The following HDAC9 variants were observed in gnomAD, a reference collection of about 807,000 sequenced individuals.
The protein encoded by HDAC9 is MEF-2 interacting transcription repressor (MITR) protein.
Under a neutral mutation model 139.4 loss-of-function variants are expected in HDAC9, and 41 were observed. The observed-to-expected ratio is 0.29, with a 90% CI of 0.23 to 0.38. HDAC9 has a LOEUF of 0.38. Among genes scored for constraint, HDAC9 ranks in the 10% least tolerant of loss-of-function variants. The probability of loss-of-function intolerance (pLI) is 1.00; values close to 1 mark genes in which losing one functional copy is unlikely to be tolerated. For synonymous variants in HDAC9, 517 were observed against 476.2 expected, an observed-to-expected ratio of 1.09 and a Z score of -1.12; for missense variants, 1,147 against 1,297.0, an observed-to-expected ratio of 0.88 and a Z score of 1.78.
intron 19 of HDAC9, among the ~76,000 whole-genome samples, chr7:18,832,032 A>C (rs780759175): frequency 2.0e-4 from 31 of 152,204 alleles, no homozygotes; most frequent in Non-Finnish European, 4.3e-4. Flanking sequence ...GAATGATTCT[A>C]GTTGATCTGT....
chr7:18,181,691 A>G (rs1188900159), intron 2 of HDAC9, among the ~76,000 whole-genome samples: 2 of 152,130 alleles, frequency 1.3e-5, no homozygotes, highest in Non-Finnish European at 2.9e-5. Context: ...GCAGGCCTTT[A>G]CAAACTACTC....
intron 2 of HDAC9, among the ~76,000 whole-genome samples, chr7:18,273,384 G>T (rs1417341147): frequency 6.6e-6 from 1 of 151,922 alleles, no homozygotes; most frequent in Non-Finnish European, 1.5e-5. Flanking sequence ...TTCTTATAAA[G>T]CCATAAGGTA....
chr7:18,384,504 A>C (rs1785733241), intron 1 of HDAC9, among the ~76,000 whole-genome samples: 1 of 152,178 alleles, frequency 6.6e-6, no homozygotes, highest in Admixed American at 6.5e-5. Flanking sequence ...ATTGGAAACT[A>C]ATATTTTTCA....
intron 6 of HDAC9, among the ~76,000 whole-genome samples, chr7:18,596,270 A>C (rs1832471221): frequency 6.6e-6 from 1 of 152,100 alleles, no homozygotes; most frequent in Non-Finnish European, 1.5e-5. Flanking sequence ...AATATTCCTT[A>C]ATTCAATTCC....
chr7:18,937,347 A>T (rs550768987), intron 23 of HDAC9, among the ~76,000 whole-genome samples: 1 of 152,056 alleles, frequency 6.6e-6, no homozygotes, highest in South Asian at 2.1e-4. Flanking sequence ...TGTCTTGTTA[A>T]TTTTAGACAG....
chr7:18,988,350 A>C (rs1356475785), intron 25 of HDAC9, among the ~76,000 whole-genome samples: 2 of 151,884 alleles, frequency 1.3e-5, no homozygotes, highest in Non-Finnish European at 2.9e-5. Flanking sequence ...CAGGTTGTTC[A>C]GTTTCCATGT....
chr7:18,600,085 A>G (rs1833558018), intron 6 of HDAC9, among the ~76,000 whole-genome samples: 1 of 151,632 alleles, frequency 6.6e-6, no homozygotes, highest in Non-Finnish European at 1.5e-5. Context: ...TTCATATGTC[A>G]TTTGCTATCT....
intron 14 of HDAC9, among the ~76,000 whole-genome samples, chr7:18,755,049 T>C (rs1193285968): frequency 6.6e-6 from 1 of 152,148 alleles, no homozygotes; most frequent in African/African-American, 2.4e-5. Flanking sequence ...AAAAAAATTT[T>C]ATGTGTTTGT....
chr7:18,265,510 A>G (rs1015058398), intron 2 of HDAC9, among the ~76,000 whole-genome samples: 2 of 152,188 alleles, frequency 1.3e-5, no homozygotes, highest in South Asian at 2.1e-4. Flanking sequence ...CAAAGAGTCT[A>G]TGCACATTTC....
chr7:18,561,077 T>C (rs528169913), intron 2 of HDAC9, among the ~76,000 whole-genome samples: 1 of 152,198 alleles, frequency 6.6e-6, no homozygotes, highest in African/African-American at 2.4e-5. Flanking sequence ...AACAAAAAAA[T>C]GAATCATTTT....
chr7:18,895,800 C>G (rs1313847228), intron 22 of HDAC9, among the ~76,000 whole-genome samples: 3 of 152,058 alleles, frequency 2.0e-5, no homozygotes, highest in Non-Finnish European at 4.4e-5. Flanking sequence ...AGGCTTTAAG[C>G]TTCTTGTTAT....
chr7:18,393,355 C>G (rs944424854), intron 1 of HDAC9, among the ~76,000 whole-genome samples: 4 of 151,976 alleles, frequency 2.6e-5, no homozygotes, highest in African/African-American at 9.7e-5. Context: ...CAGGGAGGTT[C>G]TTTTCAAGAT....
intron 11 of HDAC9, among the ~76,000 whole-genome samples, chr7:18,653,260 A>G (rs1205767011): frequency 1.4e-5 from 2 of 147,614 alleles, no homozygotes; most frequent in East Asian, 2.0e-4. Flanking sequence ...AAAAAAAACC[A>G]GTAATACAGT....
chr7:18,929,239 C>A (rs1804509996), intron 22 of HDAC9, among the ~76,000 whole-genome samples: 1 of 152,098 alleles, frequency 6.6e-6, no homozygotes, highest in African/African-American at 2.4e-5. Context: ...CAGAAACCAA[C>A]CCCTATAAAG....
Position 18,732,678 on chromosome 7 carries a change from C to T in HDAC9, c.1909+4921C>T, listed in dbSNP as rs1283866547. On this transcript the variant is annotated intron_variant, in intron 13 of 25. Transcript: ENST00000686413. ...ATACACACACACGTGTATATGTGTGCGTATGTGTACACACACACACGTGTA... is the reference window on the plus strand; with the variant it reads ...ATACACACACACGTGTATATGTGTGTGTATGTGTACACACACACACGTGTA... Among the ~76,000 whole-genome samples, 6 of 120,674 alleles carry T rather than the reference C, an allele frequency of 5.0e-5. No individual in the cohort carries two copies. In the South Asian group the frequency reaches 1.1e-3, roughly 21 times the overall value. The allele number at this position is 120,674 out of a possible 152,430, so 79.2% of individuals were successfully genotyped here.
intron 22 of HDAC9, among the ~76,000 whole-genome samples, chr7:18,875,908 A>C (rs540329786): frequency 4.6e-5 from 7 of 152,290 alleles, no homozygotes; most frequent in African/African-American, 1.7e-4. Flanking sequence ...AAAAATACAA[A>C]ATACCTAGCG....
At chr7:18,148,618 A>G (rs895304169) in intron 1 of HDAC9, among the ~76,000 whole-genome samples, 6 of 151,974 alleles carry the variant, frequency 3.9e-5, no homozygotes, top group Non-Finnish European at 8.8e-5. Context: ...CACCACGCCC[A>G]GCTAATTTTT....
At chr7:18,901,221 TACACACACAC>T (rs373441653) in intron 22 of HDAC9, among the ~76,000 whole-genome samples, 14 of 123,144 alleles carry the variant, frequency 1.1e-4, no homozygotes, top group Admixed American at 3.3e-4. Flanking sequence ...TATATATATA[TACACACACAC>T]ACACACACAC....
At chr7:18,234,650 A>T (rs1335964860) in intron 2 of HDAC9, among the ~76,000 whole-genome samples, 1 of 152,236 alleles carries the variant, frequency 6.6e-6, no homozygotes, top group African/African-American at 2.4e-5. Context: ...TGTGTACTCC[A>T]GAGCCTGGCT....
Sources: allele counts gnomAD v4.1 joint callset (sites outside exome capture counted in the v4.1 genomes callset), GRCh38; gene constraint gnomAD v4.1.1; transcripts MANE v1.5; gene names NCBI Gene and HGNC (gene_info 2026-07-23, HGNC 2026-07-21).